The following MTMR9 variants were observed in gnomAD, a reference collection of about 807,000 sequenced individuals.
MTMR9 encodes myotubularin-related protein 9.
A neutral mutation model predicts 69.5 loss-of-function variants in MTMR9; 39 were observed. That is an observed-to-expected ratio of 0.56 (90% CI 0.43 to 0.73). MTMR9 has a LOEUF of 0.73. Ranked by LOEUF, MTMR9 falls within the 30% of genes least tolerant of loss-of-function variation. The probability of loss-of-function intolerance (pLI) is 0.00; values close to 1 mark genes in which losing one functional copy is unlikely to be tolerated. For synonymous variants in MTMR9, 354 were observed against 240.8 expected, an observed-to-expected ratio of 1.47 and a Z score of -4.35; for missense variants, 900 against 671.2, an observed-to-expected ratio of 1.34 and a Z score of -3.77.
the MTMR9 span, among the ~76,000 whole-genome samples, chr8:11,334,400 A>G: frequency 3.9e-5 from 6 of 152,230 alleles, no homozygotes; most frequent in African/African-American, 4.8e-5. Flanking sequence ...CTGTATAGGC[A>G]TACGTTTTTC....
At chr8:11,302,361 G>C (rs952893848) in intron 3 of MTMR9, among the ~76,000 whole-genome samples, 1 of 143,014 alleles carries the variant, frequency 7.0e-6, no homozygotes, top group African/African-American at 2.6e-5. Context: ...AGAATCAGTA[G>C]AAGTTATTGA....
rs1799891643 is a variant in MTMR9 at position 11,305,117 on chromosome 8, G to T, written c.591+103G>T. 7 of 1,142,824 alleles carry T rather than the reference G, an allele frequency of 6.1e-6. No homozygotes were observed. In the Admixed American group the frequency reaches 1.5e-4, roughly 24 times the overall value. The allele number at this position is 1,142,824 out of a possible 1,614,324, so 70.8% of individuals were successfully genotyped here. Reference sequence around the variant, plus strand: ...TCTCTGTCTGTTCACTGAAATGATTGTCCAGGTCTCCACCACAAGGGCTTC... The same window carrying T: ...TCTCTGTCTGTTCACTGAAATGATTTTCCAGGTCTCCACCACAAGGGCTTC... On this transcript the variant is annotated intron_variant, in intron 4 of 9. Coordinates refer to ENST00000221086, the MANE Select transcript of MTMR9 (RefSeq NM_015458.4).
At chr8:11,315,341 C>A (rs1163428536) in intron 7 of MTMR9, among the ~76,000 whole-genome samples, 1 of 152,166 alleles carries the variant, frequency 6.6e-6, no homozygotes, top group Non-Finnish European at 1.5e-5. Context: ...AGTGCAATCT[C>A]CCAGAAGCTG....
chr8:11,286,212 A>G (rs1799150155), intron 1 of MTMR9, among the ~76,000 whole-genome samples: 1 of 151,396 alleles, frequency 6.6e-6, no homozygotes. Flanking sequence ...TAGGCCTCCC[A>G]CAGTTCTGGG....
intron 6 of MTMR9, among the ~76,000 whole-genome samples, chr8:11,310,912 T>G (rs2117425902): frequency 6.6e-6 from 1 of 152,296 alleles, no homozygotes; most frequent in East Asian, 1.9e-4. Context: ...TTCATTTAGT[T>G]TGAGCTGGCC....
intron 1 of MTMR9, among the ~76,000 whole-genome samples, chr8:11,289,392 A>G (rs1231407619): frequency 1.3e-5 from 2 of 152,230 alleles, no homozygotes; most frequent in East Asian, 1.9e-4. Context: ...AATGCTTCAC[A>G]AGTCTGTGGA....
intron 1 of MTMR9, 70 bp from the exon 2 acceptor site, chr8:11,295,124 C>A (rs947320542): frequency 6.1e-6 from 5 of 825,370 alleles, no homozygotes; most frequent in African/African-American, 5.3e-5. Flanking sequence ...ATTCTCTTTT[C>A]AAAGAAATAA....
At chr8:11,321,467 G>A (rs771190972) in intron 9 of MTMR9, 9 of 456,560 alleles carry the variant, frequency 2.0e-5, no homozygotes, top group South Asian at 1.4e-4. Flanking sequence ...GTGGCCTGAA[G>A]GATGATTTAA....
At chr8:11,304,604 G>C (rs139489929) in intron 3 of MTMR9, among the ~76,000 whole-genome samples, 3 of 152,208 alleles carry the variant, frequency 2.0e-5, no homozygotes, top group Non-Finnish European at 4.4e-5. Context: ...TTTGCTCAGT[G>C]TGAGAAAGCA....
At chr8:11,304,516 C>A (rs188945631) in intron 3 of MTMR9, among the ~76,000 whole-genome samples, 1 of 152,048 alleles carries the variant, frequency 6.6e-6, no homozygotes, top group Non-Finnish European at 1.5e-5. Flanking sequence ...GATGGGATAC[C>A]GTGTAAAATA....
At chr8:11,331,244 TG>T, downstream of MTMR9, 1 of 1,613,856 alleles carries the variant, frequency 6.2e-7, no homozygotes, top group Non-Finnish European at 8.5e-7. Context: ...CCCTGCTGGG[TG>T]GGGGCCTGCC....
chr8:11,293,708 G>T (rs1333315971), intron 1 of MTMR9, among the ~76,000 whole-genome samples: 1 of 151,382 alleles, frequency 6.6e-6, no homozygotes, highest in Non-Finnish European at 1.5e-5. Flanking sequence ...TAGGTAAAAG[G>T]TCCCATTTTG....
chr8:11,331,640 G>A (rs958944873), downstream of MTMR9: 2 of 1,612,136 alleles, frequency 1.2e-6, no homozygotes, highest in South Asian at 1.1e-5. Context: ...CTGGACTCTG[G>A]ACACTACAGG....
chr8:11,329,925 T>C (rs2736266), downstream of MTMR9, among the ~76,000 whole-genome samples: 86,282 of 150,988 alleles, frequency 0.57, 25,248 homozygotes, highest in East Asian at 0.87. Context: ...TCTGCCCGGC[T>C]GCGACCCCGT....
At chr8:11,298,715 G>A (rs73205349) in intron 2 of MTMR9, 35,776 of 862,094 alleles carry the variant, frequency 0.041, 934 homozygotes, top group Non-Finnish European at 0.044. Context: ...TCCTTTCCCC[G>A]CTGCACCCCC....
At chr8:11,285,231 C>A in intron 1 of MTMR9, 161 bp downstream of exon 1, 1 of 650,540 alleles carries the variant, frequency 1.5e-6, no homozygotes, top group Non-Finnish European at 2.5e-6. Flanking sequence ...TGAAACCCGT[C>A]CAGATGGAGG....
intron 2 of MTMR9, chr8:11,298,720 A>ACCCCCCC (rs1554501121): frequency 5.6e-5 from 41 of 727,992 alleles, no homozygotes; most frequent in African/African-American, 5.4e-4. Flanking sequence ...TCCCCGCTGC[A>ACCCCCCC]CCCCCCCCCC....
rs1156728749 is a variant in MTMR9 at position 11,284,848 on chromosome 8, AC to A, written c.-39del. 1.3e-6 allele frequency: 2 copies of A among 1,550,754 alleles called. No individual in the cohort carries two copies. The highest frequency in any genetic ancestry group is 1.7e-6 in the Non-Finnish European group (2 of 1,146,712). ...CCCTGCGGCGGGGTAACCGCCTCGC[AC>A]CTACCGGGCTCGGTTCCCTGGCTCC... is the stretch of plus-strand genomic sequence containing the variant. On this transcript the variant is annotated 5_prime_UTR_variant, in exon 1 of 10. Transcript: ENST00000221086.
At chr8:11,331,093 A>T, downstream of MTMR9, 1 of 1,579,490 alleles carries the variant, frequency 6.3e-7, no homozygotes. Context: ...GGAGAGGAGA[A>T]AGTCCAAGGA....
Sources: allele counts gnomAD v4.1 joint callset (sites outside exome capture counted in the v4.1 genomes callset), GRCh38; gene constraint gnomAD v4.1.1; transcripts MANE v1.5; gene names NCBI Gene and HGNC (gene_info 2026-07-23, HGNC 2026-07-21).